Variants in FSTL5 observed in about 807,000 individuals in gnomAD.
The protein encoded by FSTL5 is follistatin-related protein 5.
FSTL5 carries 62 observed loss-of-function variants against 89.1 expected under a neutral mutation model. The observed-to-expected ratio is 0.70, with a 90% confidence interval of 0.57 to 0.86. The LOEUF (loss-of-function observed/expected upper bound fraction) is 0.86, where lower values mean the gene tolerates loss of function less well. Among genes scored for constraint, FSTL5 ranks in the 40% least tolerant of loss-of-function variants. The pLI is 0.00. For missense variants in FSTL5, 1,057 were observed against 1,001.6 expected, an observed-to-expected ratio of 1.06 and a Z score of -0.75; for synonymous variants, 383 against 346.2, an observed-to-expected ratio of 1.11 and a Z score of -1.18.
At position 162,163,822 on chromosome 4, in the gene FSTL5, A is replaced by G. The variant is rs1474412339; in HGVS notation, c.-224T>C. On this transcript the variant is annotated 5_prime_UTR_variant, in exon 1 of 16. Coordinates refer to ENST00000306100, the MANE Select transcript of FSTL5 (RefSeq NM_020116.5). Reference sequence around the variant, plus strand: ...GACTCTCTCCCACGTCCGATACCACACTCCTTTGTCAAGTTGATATGGGTC... The same window carrying G: ...GACTCTCTCCCACGTCCGATACCACGCTCCTTTGTCAAGTTGATATGGGTC... The G allele has an allele frequency of 6.6e-6, 1 of 152,164 alleles. No homozygotes were observed. The highest frequency in any genetic ancestry group is 1.9e-4 in the East Asian group (1 of 5,180). The allele number at this position is 152,164 out of a possible 1,614,324, so 9.4% of individuals were successfully genotyped here.
intron 4 of FSTL5, among the ~76,000 whole-genome samples, chr4:161,804,812 A>C (rs1284453784): frequency 1.3e-5 from 2 of 152,134 alleles, no homozygotes; most frequent in East Asian, 3.9e-4. Context: ...AACATTATCT[A>C]AATTGCAATT....
rs895254423 is a variant in FSTL5, at chr4:161,955,715, T to C, written c.161-35063A>G. Among the ~76,000 whole-genome samples the C allele has an allele frequency of 3.9e-5, 6 of 152,042 alleles. No individual in the cohort carries two copies. In the South Asian group the frequency reaches 6.2e-4, roughly 16 times the overall value. On this transcript the variant is annotated intron_variant, in intron 3 of 15. Coordinates refer to ENST00000306100, the MANE Select transcript of FSTL5 (RefSeq NM_020116.5). ...GTCCTGTTCTTTGCAAACAGAACCT[T>C]CCTTTGGAATGCGCAAGTGAGTCTA... is the stretch of plus-strand genomic sequence containing the variant.
chr4:161,973,510 T>C (rs1156936915), intron 3 of FSTL5, among the ~76,000 whole-genome samples: 1 of 152,180 alleles, frequency 6.6e-6, no homozygotes, highest in Admixed American at 6.5e-5. Flanking sequence ...TTGCTAGCAA[T>C]AGAAACAATC....
chr4:162,021,680 T>G (rs1456768703), intron 3 of FSTL5, among the ~76,000 whole-genome samples: 2 of 152,060 alleles, frequency 1.3e-5, no homozygotes, highest in African/African-American at 2.4e-5. Context: ...GGAAACAACT[T>G]AGAAACAGAA....
intron 4 of FSTL5, among the ~76,000 whole-genome samples, chr4:161,787,571 G>A (rs556525454): frequency 2.0e-5 from 3 of 152,146 alleles, no homozygotes; most frequent in South Asian, 2.1e-4. Flanking sequence ...TTCTTGATAC[G>A]GGAAAGTATA....
chr4:161,619,114 T>A (rs1208032173), intron 7 of FSTL5, among the ~76,000 whole-genome samples: 1 of 152,118 alleles, frequency 6.6e-6, no homozygotes, highest in Admixed American at 6.5e-5. Context: ...TAATAAATGG[T>A]GCTGGGAAAA....
At chr4:161,443,985 C>CA (rs1732863067) in intron 15 of FSTL5, among the ~76,000 whole-genome samples, 1 of 151,412 alleles carries the variant, frequency 6.6e-6, no homozygotes, top group Non-Finnish European at 1.5e-5. Context: ...AAAGATATTT[C>CA]AAAAAACTAT....
intron 4 of FSTL5, among the ~76,000 whole-genome samples, chr4:161,872,150 T>TTTG (rs1732292509): frequency 7.5e-6 from 1 of 132,918 alleles, no homozygotes; most frequent in South Asian, 2.7e-4. Flanking sequence ...GGTTTTTTTT[T>TTTG]TTTTTTTTGT....
chr4:161,451,690 T>C (rs1332829452), intron 15 of FSTL5, among the ~76,000 whole-genome samples: 1 of 152,240 alleles, frequency 6.6e-6, no homozygotes, highest in Non-Finnish European at 1.5e-5. Context: ...TTACTGTAGT[T>C]ACTGGTTCCA....
chr4:161,509,262 C>T (rs888144255), intron 11 of FSTL5, among the ~76,000 whole-genome samples: 2 of 152,078 alleles, frequency 1.3e-5, no homozygotes, highest in African/African-American at 4.8e-5. Flanking sequence ...GAGATCGCGC[C>T]GTTGAACTCC....
intron 1 of FSTL5, among the ~76,000 whole-genome samples, chr4:162,148,236 C>A (rs964955599): frequency 6.6e-6 from 1 of 152,110 alleles, no homozygotes; most frequent in Non-Finnish European, 1.5e-5. Flanking sequence ...ATAAATTAGA[C>A]AATTCCAAGC....
chr4:162,026,448 C>T (rs1737296939), intron 3 of FSTL5, among the ~76,000 whole-genome samples: 1 of 151,642 alleles, frequency 6.6e-6, no homozygotes, highest in Admixed American at 6.6e-5. Flanking sequence ...GCTGGAATTA[C>T]AGGTGCCCAC....
intron 4 of FSTL5, among the ~76,000 whole-genome samples, chr4:161,821,297 C>T (rs1297544317): frequency 6.6e-6 from 1 of 152,134 alleles, no homozygotes; most frequent in Non-Finnish European, 1.5e-5. Context: ...CTCAACCTCC[C>T]AAATTGCCAC....
At chr4:161,867,568 G>A (rs1340224502) in intron 4 of FSTL5, among the ~76,000 whole-genome samples, 1 of 151,584 alleles carries the variant, frequency 6.6e-6, no homozygotes, top group Non-Finnish European at 1.5e-5. Flanking sequence ...AAATAAGTGT[G>A]TTAATTTTTG....
At chr4:161,961,188 C>T (rs949229689) in intron 3 of FSTL5, among the ~76,000 whole-genome samples, 5 of 151,912 alleles carry the variant, frequency 3.3e-5, no homozygotes, top group Non-Finnish European at 5.9e-5. Flanking sequence ...TGTCTCTGTA[C>T]CCTTGAACTA....
At chr4:161,616,555 TTATGGGACTTCACCTTG>T (rs1734875913) in intron 7 of FSTL5, among the ~76,000 whole-genome samples, 1 of 152,132 alleles carries the variant, frequency 6.6e-6, no homozygotes, top group Non-Finnish European at 1.5e-5. Flanking sequence ...AGACGGCCCA[TTATGGGACTTCACCTTG>T]TGATTGTGTG....
intron 7 of FSTL5, among the ~76,000 whole-genome samples, chr4:161,624,796 C>G (rs968884596): frequency 9.9e-5 from 15 of 152,060 alleles, no homozygotes; most frequent in African/African-American, 3.6e-4. Context: ...CATTTTAGTG[C>G]ACATATTTTT....
Position 161,920,633 on chromosome 4 carries a change from G to C in FSTL5, c.180C>G (p.Gly60=). 6.2e-7 allele frequency: 1 copy of C among 1,609,336 alleles called. No homozygotes were observed. Among genetic ancestry groups the C allele is most frequent in the Non-Finnish European group, 8.5e-7 (1 of 1,178,878 alleles). The change falls in exon 4 of 16, where the codon GGC becomes GGG. Residue 60 remains glycine (G), a synonymous_variant. Transcript: ENST00000306100. ...SRVKGFMIQD[G]PFGSCENKYC... Reference sequence around the variant, plus strand: ...ACTTATTTTCACAAGATCCAAAAGGGCCATCCTGAATCATAAATCCTGAAG... The same window carrying C: ...ACTTATTTTCACAAGATCCAAAAGGCCCATCCTGAATCATAAATCCTGAAG...
chr4:161,546,683 T>TA (rs1732019664), intron 8 of FSTL5, among the ~76,000 whole-genome samples: 1 of 151,948 alleles, frequency 6.6e-6, no homozygotes, highest in African/African-American at 2.4e-5. Flanking sequence ...GTATAAAATC[T>TA]AAAAAGTCTT....
Sources: allele counts gnomAD v4.1 joint callset (sites outside exome capture counted in the v4.1 genomes callset), GRCh38; gene constraint gnomAD v4.1.1; transcripts MANE v1.5; gene names NCBI Gene and HGNC (gene_info 2026-07-23, HGNC 2026-07-21).